Variants in PEX14 observed in about 807,000 individuals in gnomAD.
The protein encoded by PEX14 is peroxisomal biogenesis factor 14, also known as peroxisomal membrane protein PEX14.
PEX14 carries 15 observed loss-of-function variants against 49.5 expected under a neutral mutation model. The ratio of observed to expected loss-of-function variants is 0.30; its 90% CI spans 0.20 to 0.47. PEX14 has a LOEUF of 0.47. Among genes scored for constraint, PEX14 ranks in the 20% least tolerant of loss-of-function variants. PEX14 has a pLI of 1.00. For missense variants in PEX14, 398 were observed against 494.8 expected (o/e 0.80, Z 1.86); for synonymous variants, 210 against 212.7 (o/e 0.99, Z 0.11).
At chr1:10,612,592 T>C (rs746292715) in intron 4 of PEX14, among the ~76,000 whole-genome samples, 102 of 152,336 alleles carry the variant, frequency 6.7e-4, no homozygotes, top group Non-Finnish European at 1.2e-3. Flanking sequence ...TCTGTTTCTG[T>C]TGCTGCTCTC....
chr1:10,607,994 G>A lies in PEX14; in HGVS notation c.298+8628G>A, dbSNP rs147967322. 2.4e-4 allele frequency among the ~76,000 whole-genome samples: 37 copies of A among 152,266 alleles called. No homozygotes were observed. In the East Asian group the frequency reaches 6.6e-3, roughly 27 times the overall value. ...CCTATATTGTCTTCTAGGAGACACTGTCTCACTCTGTCACCCAGGCTGGAA... is the reference window on the plus strand; with the variant it reads ...CCTATATTGTCTTCTAGGAGACACTATCTCACTCTGTCACCCAGGCTGGAA... On this transcript the variant is annotated intron_variant, in intron 4 of 8. Coordinates refer to ENST00000356607, the MANE Select transcript of PEX14 (RefSeq NM_004565.3).
At chr1:10,552,441 CA>C (rs375330435) in intron 3 of PEX14, among the ~76,000 whole-genome samples, 1,910 of 149,672 alleles carry the variant, frequency 0.013, 32 homozygotes, top group African/African-American at 0.043. Context: ...GACTCCGTCT[CA>C]AAAAAAAAAT....
In PEX14 at chr1:10,613,147, A is replaced by G. The variant is rs1185828430; in HGVS notation, c.299-5185A>G. On this transcript the variant is annotated intron_variant, in intron 4 of 8. Transcript: ENST00000356607. This position sits in a 1 kb window ranked among gnomAD's most constrained non-coding sequence, Gnocchi z 5.0. ...TCTGTGACTTGCTCAGCAAGGTTTCAGGCTCAACATTGCCGTGTTGTATGC... is the reference window on the plus strand; with the variant it reads ...TCTGTGACTTGCTCAGCAAGGTTTCGGGCTCAACATTGCCGTGTTGTATGC... Among the ~76,000 whole-genome samples, 1 of 152,194 alleles carries G rather than the reference A, an allele frequency of 6.6e-6. No individual in the cohort carries two copies. Among genetic ancestry groups the G allele is most frequent in the East Asian group, 1.9e-4 (1 of 5,200 alleles).
rs886045017 is a variant in PEX14, at chr1:10,629,736, C to A, written c.883C>A (p.Pro295Thr). 4 of 1,597,530 alleles carry A rather than the reference C, an allele frequency of 2.5e-6. No individual in the cohort carries two copies. The South Asian group carries it at 4.5e-5, about 18-fold the overall frequency. Residue 295 changes from proline to threonine, a missense_variant, in exon 9 of 9, where the codon CCC (proline) becomes ACC (threonine). Transcript: ENST00000356607. This position sits in a 1 kb window ranked among gnomAD's most constrained non-coding sequence, Gnocchi z 8.5. Reference protein sequence around the residue: ...GSTVTYHLLGPQEEGEGVVDV... With the variant: ...GSTVTYHLLGTQEEGEGVVDV... ...CACGGTCACCTACCACTTGCTGGGC[C>A]CCCAGGAGGAAGGCGAGGGGGTGGT...
chr1:10,576,483 C>T (rs570876875), intron 3 of PEX14, among the ~76,000 whole-genome samples: 16 of 152,146 alleles, frequency 1.1e-4, no homozygotes, highest in Non-Finnish European at 1.6e-4. Context: ...TTTAAATATT[C>T]ATCCACATTT....
chr1:10,478,960 C>T (rs1641239602), intron 1 of PEX14, among the ~76,000 whole-genome samples: 1 of 151,856 alleles, frequency 6.6e-6, no homozygotes. Flanking sequence ...ACCGTATTAG[C>T]CAGGATGGTC....
chr1:10,573,237 T>G (rs1472760338), intron 3 of PEX14, among the ~76,000 whole-genome samples: 1 of 152,224 alleles, frequency 6.6e-6, no homozygotes, highest in Admixed American at 6.5e-5. Context: ...ATCTAATATA[T>G]AGAGAACTCC....
rs191533093 is a variant in PEX14, at chr1:10,565,471, G to A, written c.169+29174G>A. Among the ~76,000 whole-genome samples the A allele has an allele frequency of 4.7e-4, 72 of 152,276 alleles. 1 individual carries two copies. The highest frequency in any genetic ancestry group is 6.8e-3 in the Middle Eastern group (2 of 294). On this transcript the variant is annotated intron_variant, in intron 3 of 8. Coordinates refer to ENST00000356607, the MANE Select transcript of PEX14 (RefSeq NM_004565.3). Reference sequence around the variant, plus strand: ...CATGGCTCCTTTTCCTTGGTGGGGTGAACCCTAATTTTTGTTTACTGCTGT... The same window carrying A: ...CATGGCTCCTTTTCCTTGGTGGGGTAAACCCTAATTTTTGTTTACTGCTGT...
rs76929566 is a variant in PEX14 at position 10,499,904 on chromosome 1, A to G, written c.84+4583A>G. ...TCAGTAGTTTTGCTCTCCAAGTGCCAAAGTGCCCTCAGGTTTCTTCCTGAG... is the reference window on the plus strand; with the variant it reads ...TCAGTAGTTTTGCTCTCCAAGTGCCGAAGTGCCCTCAGGTTTCTTCCTGAG... On this transcript the variant is annotated intron_variant, in intron 2 of 8. Transcript: ENST00000356607. Among the ~76,000 whole-genome samples the G allele has an allele frequency of 2.8e-3, 430 of 152,290 alleles. 5 individuals carry two copies. Among genetic ancestry groups the G allele is most frequent in the African/African-American group, 1.0e-2 (415 of 41,556 alleles).
intron 2 of PEX14, chr1:10,528,249 A>C: frequency 1.1e-6 from 1 of 888,940 alleles, no homozygotes; most frequent in Non-Finnish European, 1.3e-6. Context: ...ATCATCCCGC[A>C]GTTCAATAGT....
At chr1:10,522,559 A>G (rs1638333887) in intron 2 of PEX14, among the ~76,000 whole-genome samples, 1 of 152,200 alleles carries the variant, frequency 6.6e-6, no homozygotes, top group Non-Finnish European at 1.5e-5. Flanking sequence ...TTGTTTCCTC[A>G]TCTTAGATTG....
At chr1:10,607,021 A>G (rs1641146444) in intron 4 of PEX14, among the ~76,000 whole-genome samples, 1 of 152,198 alleles carries the variant, frequency 6.6e-6, no homozygotes, top group Admixed American at 6.5e-5. Flanking sequence ...TTTCCAGTCA[A>G]TCCACCCTCC....
rs142596603 is a variant in PEX14, at chr1:10,592,902, C to T, written c.170-6336C>T. The stretch of plus-strand genomic sequence containing the variant: ...CCTGCTGTTGTTCCACGGTTTCCAC[C>T]GCTGGCCCTTTGAAACCTCCAAACT... On this transcript the variant is annotated intron_variant, in intron 3 of 8. Transcript: ENST00000356607. Among the ~76,000 whole-genome samples the T allele has an allele frequency of 1.9e-3, 295 of 152,294 alleles. 3 individuals are homozygous for T. The highest frequency in any genetic ancestry group is 6.9e-3 in the African/African-American group (287 of 41,550).
chr1:10,484,668 A>G (rs669701), intron 1 of PEX14, among the ~76,000 whole-genome samples: 100,598 of 151,218 alleles, frequency 0.67, 34,142 homozygotes, highest in East Asian at 0.8. Context: ...TCAGGAAACC[A>G]CTGGGCTGAG....
intron 3 of PEX14, among the ~76,000 whole-genome samples, chr1:10,538,788 C>T (rs1027710753): frequency 1.4e-4 from 22 of 152,324 alleles, no homozygotes; most frequent in Non-Finnish European, 2.9e-4. Flanking sequence ...CAGGAGGGGC[C>T]TGGGTTCTGG....
chr1:10,480,151 T>C (rs932082684), intron 1 of PEX14, among the ~76,000 whole-genome samples: 10 of 152,194 alleles, frequency 6.6e-5, no homozygotes, highest in African/African-American at 2.2e-4. Flanking sequence ...TGAGAGTCTG[T>C]TGAACTCTTG....
At chr1:10,499,116 G>T (rs1219716961) in intron 2 of PEX14, among the ~76,000 whole-genome samples, 2 of 152,182 alleles carry the variant, frequency 1.3e-5, no homozygotes, top group Non-Finnish European at 2.9e-5. Flanking sequence ...TGAAACTTGG[G>T]TTAAATAAAC....
intron 3 of PEX14, among the ~76,000 whole-genome samples, chr1:10,586,891 C>T (rs559544280): frequency 6.6e-6 from 1 of 151,930 alleles, no homozygotes; most frequent in Non-Finnish European, 1.5e-5. Context: ...TCCACCGCCT[C>T]GGCCTCCCAA....
intron 4 of PEX14, among the ~76,000 whole-genome samples, chr1:10,608,878 C>T (rs1039907204): frequency 6.6e-5 from 10 of 152,124 alleles, no homozygotes; most frequent in Admixed American, 1.3e-4. Flanking sequence ...GAGTACTTCA[C>T]CTCCCCTGCA....
Sources: allele counts gnomAD v4.1 joint callset (sites outside exome capture counted in the v4.1 genomes callset), GRCh38; gene constraint gnomAD v4.1.1; non-coding constraint Gnocchi (gnomAD v3.1); transcripts MANE v1.5; gene names NCBI Gene and HGNC (gene_info 2026-07-23, HGNC 2026-07-21).